FGF12: variants seen among roughly 807,000 people sequenced by gnomAD.
FGF12 encodes the protein fibroblast growth factor 12B.
Under a neutral mutation model 23.6 loss-of-function variants are expected in FGF12, and 14 were observed. That is an observed-to-expected ratio of 0.59 (90% CI 0.39 to 0.93). FGF12 has a LOEUF of 0.93. Ranked by LOEUF, FGF12 falls within the 40% of genes least tolerant of loss-of-function variation. The probability of loss-of-function intolerance (pLI) is 0.00; values close to 1 mark genes in which losing one functional copy is unlikely to be tolerated. For synonymous variants in FGF12, 62 were observed against 77.3 expected, an observed-to-expected ratio of 0.80 and a Z score of 1.04; for missense variants, 175 against 217.8, an observed-to-expected ratio of 0.80 and a Z score of 1.24.
chr3:192,708,931 AT>A (rs1718576864), intron 2 of FGF12, among the ~76,000 whole-genome samples: 1 of 152,198 alleles, frequency 6.6e-6, no homozygotes, highest in Non-Finnish European at 1.5e-5. Context: ...TGAACAATAT[AT>A]TTTTATAGTT....
At chr3:192,283,301 G>A (rs909985198) in intron 4 of FGF12, among the ~76,000 whole-genome samples, 1 of 151,958 alleles carries the variant, frequency 6.6e-6, no homozygotes, top group Non-Finnish European at 1.5e-5. Context: ...TTTGTCAGTT[G>A]TGATTCACTC....
chr3:192,420,165 A>G (rs540145460), intron 2 of FGF12, among the ~76,000 whole-genome samples: 3 of 152,208 alleles, frequency 2.0e-5, no homozygotes, highest in Non-Finnish European at 4.4e-5. Flanking sequence ...AAAGCCGATG[A>G]GCTTAAAGGT....
At chr3:192,639,563 C>G (rs1033048324) in intron 2 of FGF12, among the ~76,000 whole-genome samples, 4 of 152,174 alleles carry the variant, frequency 2.6e-5, no homozygotes, top group Non-Finnish European at 4.4e-5. Flanking sequence ...TGTCCATCAT[C>G]AACAAATAGA....
chr3:192,681,346 T>A (rs1717519603), intron 2 of FGF12, among the ~76,000 whole-genome samples: 2 of 152,138 alleles, frequency 1.3e-5, no homozygotes, highest in Admixed American at 1.3e-4. Flanking sequence ...CTATGTAGAT[T>A]GTGGTGTCAT....
chr3:192,311,923 G>GTCTATCTATCTA (rs1391056437), intron 4 of FGF12, among the ~76,000 whole-genome samples: 9 of 126,870 alleles, frequency 7.1e-5, no homozygotes, highest in African/African-American at 2.8e-4. Context: ...GCTATTGACT[G>GTCTATCTATCTA]TCTGTCTATC....
At chr3:192,572,212 GCT>G (rs765093032) in intron 2 of FGF12, among the ~76,000 whole-genome samples, 17 of 152,072 alleles carry the variant, frequency 1.1e-4, no homozygotes, top group Admixed American at 2.6e-4. Context: ...AAGAAAATGA[GCT>G]CTTTCACTTC....
intron 4 of FGF12, among the ~76,000 whole-genome samples, chr3:192,253,464 G>GA (rs367962100): frequency 6.6e-6 from 1 of 151,586 alleles, no homozygotes; most frequent in East Asian, 1.9e-4. Flanking sequence ...AAGAAAGAAT[G>GA]AAAAAAATGG....
At chr3:192,450,734 C>T (rs183548140) in intron 2 of FGF12, among the ~76,000 whole-genome samples, 5 of 152,266 alleles carry the variant, frequency 3.3e-5, no homozygotes, top group Non-Finnish European at 7.4e-5. Flanking sequence ...ACCAATCTGG[C>T]CACCATCTTT....
At chr3:192,716,238 T>G (rs929182462) in intron 2 of FGF12, among the ~76,000 whole-genome samples, 3 of 152,178 alleles carry the variant, frequency 2.0e-5, no homozygotes, top group Non-Finnish European at 4.4e-5. Flanking sequence ...TTGTACACAC[T>G]TAAGTTGGAA....
intron 4 of FGF12, among the ~76,000 whole-genome samples, chr3:192,217,162 T>C (rs1718234069): frequency 6.6e-6 from 1 of 152,138 alleles, no homozygotes; most frequent in Non-Finnish European, 1.5e-5. Flanking sequence ...CACAAGGCCT[T>C]AGTTTCCTCA....
At chr3:192,585,422 A>G (rs576865574) in intron 2 of FGF12, among the ~76,000 whole-genome samples, 1 of 152,178 alleles carries the variant, frequency 6.6e-6, no homozygotes, top group African/African-American at 2.4e-5. Flanking sequence ...CTCAGTAGAG[A>G]TCATATCCAA....
At chr3:192,290,998 ATGTG>A (rs1352664794) in intron 4 of FGF12, among the ~76,000 whole-genome samples, 2 of 152,176 alleles carry the variant, frequency 1.3e-5, no homozygotes, top group East Asian at 1.9e-4. Flanking sequence ...CTATGCATAT[ATGTG>A]TGTGTATTTA....
At chr3:192,339,685 T>C (rs1717600585) in intron 3 of FGF12, among the ~76,000 whole-genome samples, 1 of 152,200 alleles carries the variant, frequency 6.6e-6, no homozygotes, top group Admixed American at 6.5e-5. Context: ...AACTCCCCCA[T>C]GAATCTTGCC....
chr3:192,293,497 G>C (rs1714872546), intron 4 of FGF12, among the ~76,000 whole-genome samples: 1 of 152,134 alleles, frequency 6.6e-6, no homozygotes, highest in Non-Finnish European at 1.5e-5. Context: ...GATTATTCTA[G>C]TGTTTCGATT....
At chr3:192,661,860 C>T (rs2108685007) in intron 2 of FGF12, among the ~76,000 whole-genome samples, 1 of 152,290 alleles carries the variant, frequency 6.6e-6, no homozygotes, top group Admixed American at 6.5e-5. Context: ...CCTCTGCATT[C>T]AAGACAAACA....
chr3:192,433,777 G>T (rs1357098615), intron 2 of FGF12, among the ~76,000 whole-genome samples: 1 of 152,124 alleles, frequency 6.6e-6, no homozygotes, highest in African/African-American at 2.4e-5. Flanking sequence ...AAGAAACGTG[G>T]GAGAATTTCC....
chr3:192,279,342 T>C (rs1435610009), intron 4 of FGF12, among the ~76,000 whole-genome samples: 1 of 151,438 alleles, frequency 6.6e-6, no homozygotes, highest in Non-Finnish European at 1.5e-5. Context: ...GTAAAGAAAA[T>C]GACTCTAAGA....
intron 2 of FGF12, among the ~76,000 whole-genome samples, chr3:192,581,525 G>A (rs1713158569): frequency 6.8e-6 from 1 of 147,896 alleles, no homozygotes; most frequent in African/African-American, 2.5e-5. Context: ...AAGAATACAT[G>A]CAAAAATGTC....
chr3:192,172,395 C>A (rs1560178127), intron 4 of FGF12, among the ~76,000 whole-genome samples: 2 of 149,556 alleles, frequency 1.3e-5, no homozygotes, highest in Non-Finnish European at 3.0e-5. Context: ...TCAACCCCCC[C>A]TTCAAAAAAA....
Sources: gnomAD v4.1 joint callset for allele counts (sites outside exome capture counted in the v4.1 genomes callset) on GRCh38, gnomAD v4.1.1 for gene constraint, MANE v1.5 for transcripts, NCBI Gene and HGNC (gene_info 2026-07-23, HGNC 2026-07-21) for gene names.